TNR: variants seen among roughly 807,000 people sequenced by gnomAD.
TNR encodes tenascin R, also known as tenascin-R.
TNR carries 45 observed loss-of-function variants against 150.4 expected under a neutral mutation model. That is an observed-to-expected ratio of 0.30 (90% CI 0.24 to 0.38). The LOEUF is 0.38. Among genes scored for constraint, TNR ranks in the 10% least tolerant of loss-of-function variants. TNR has a pLI of 1.00. For synonymous variants in TNR, 687 were observed against 678.4 expected (o/e 1.01, Z -0.20); for missense variants, 1,544 against 1,759.1 (o/e 0.88, Z 2.19).
At chr1:175,648,099 T>G (rs1355113022) in intron 1 of TNR, among the ~76,000 whole-genome samples, 1 of 152,034 alleles carries the variant, frequency 6.6e-6, no homozygotes, top group East Asian at 1.9e-4. Context: ...CGTTCTCTTC[T>G]CTCTGCTACC....
At chr1:175,379,214 G>C (rs1022080522) in intron 9 of TNR, among the ~76,000 whole-genome samples, 5 of 150,022 alleles carry the variant, frequency 3.3e-5, no homozygotes, top group African/African-American at 9.8e-5. Context: ...CACTGGAGGA[G>C]GTGTGAAGAG....
intron 20 of TNR, among the ~76,000 whole-genome samples, chr1:175,332,988 C>CCTGATCCTAACCTTCACT (rs1650023383): frequency 6.6e-6 from 1 of 152,142 alleles, no homozygotes; most frequent in Non-Finnish European, 1.5e-5. Context: ...ATACCTTAAC[C>CCTGATCCTAACCTTCACT]CTGATCCTAA....
At chr1:175,375,538 T>C (rs1014587344) in intron 9 of TNR, among the ~76,000 whole-genome samples, 1 of 152,008 alleles carries the variant, frequency 6.6e-6, no homozygotes, top group Non-Finnish European at 1.5e-5. Flanking sequence ...GGGCAACATT[T>C]GTAAAGAGGG....
At chr1:175,472,646 A>G (rs1450430819) in intron 2 of TNR, among the ~76,000 whole-genome samples, 1 of 152,202 alleles carries the variant, frequency 6.6e-6, no homozygotes, top group African/African-American at 2.4e-5. Flanking sequence ...TATGCAGCCC[A>G]TTGTTGACCA....
In TNR at chr1:175,439,902, T is replaced by C. The variant is rs370589080; in HGVS notation, c.-63-33125A>G. Among the ~76,000 whole-genome samples the C allele has an allele frequency of 1.3e-3, 202 of 152,252 alleles. 2 individuals are homozygous for C. In the East Asian group the frequency reaches 0.033, roughly 25 times the overall value. On this transcript the variant is annotated intron_variant, in intron 2 of 22. Coordinates refer to ENST00000367674, the MANE Select transcript of TNR (RefSeq NM_003285.3). ...AGGTGCTTGAGAGGATGTGGAGAAA[T>C]AGGAACACTTTTACACTGTTGGTGG...
intron 20 of TNR, among the ~76,000 whole-genome samples, chr1:175,331,022 T>A (rs1442589152): frequency 3.1e-5 from 2 of 64,014 alleles, no homozygotes; most frequent in African/African-American, 1.1e-4. Context: ...TCTTTCTTTC[T>A]TTCTTTCTTT....
rs964679640 is a variant in TNR, at chr1:175,702,521, C to T, written c.-165+40705G>A. On this transcript the variant is annotated intron_variant, in intron 1 of 22. Transcript: ENST00000367674. Reference sequence around the variant, plus strand: ...TCTTGCTGGATGAGGGGCAGGAAAACGAATATGAGGGGTTGGCAATGTCTG... The same window carrying T: ...TCTTGCTGGATGAGGGGCAGGAAAATGAATATGAGGGGTTGGCAATGTCTG... 4.6e-5 allele frequency among the ~76,000 whole-genome samples: 7 copies of T among 152,086 alleles called. No homozygotes were observed. The East Asian group carries it at 5.8e-4, about 13-fold the overall frequency.
intron 9 of TNR, among the ~76,000 whole-genome samples, chr1:175,373,575 G>A (rs565396557): frequency 1.3e-5 from 2 of 152,258 alleles, no homozygotes; most frequent in African/African-American, 4.8e-5. Context: ...TTAAAGGAAG[G>A]GACTGGCCTA....
At chr1:175,325,356 AG>A (rs1557863429) in intron 21 of TNR, among the ~76,000 whole-genome samples, 3 of 152,236 alleles carry the variant, frequency 2.0e-5, no homozygotes, top group Admixed American at 6.5e-5. Flanking sequence ...ATCATTAAAA[AG>A]TCAGGAAACA....
chr1:175,329,675 A>G (rs558704794), intron 21 of TNR, among the ~76,000 whole-genome samples: 7 of 152,376 alleles, frequency 4.6e-5, no homozygotes, highest in East Asian at 1.9e-4. Context: ...CCCAGACAGT[A>G]GATGATTCTG....
chr1:175,393,366 G>T lies in TNR; in HGVS notation c.1356+414C>A, dbSNP rs140840483. Among the ~76,000 whole-genome samples the T allele has an allele frequency of 9.1e-4, 139 of 152,322 alleles. 1 individual carries two copies. The highest frequency in any genetic ancestry group is 3.2e-3 in the African/African-American group (131 of 41,562). ...AAGCTGACTTTTCTGTGGTGCATCT[G>T]TCTGCACAGAATGAAGCTTTTGGCT... On this transcript the variant is annotated intron_variant, in intron 6 of 22. Transcript: ENST00000367674.
At position 175,331,162 on chromosome 1, in the gene TNR, TTTCCTTCCTTCCTTCCTTCCTTCC is replaced by T. The variant is rs199944963; in HGVS notation, c.3632-951_3632-928del. Among the ~76,000 whole-genome samples the T allele has an allele frequency of 5.1e-3, 361 of 70,908 alleles. 9 individuals are homozygous for T. Among genetic ancestry groups the T allele is most frequent in the African/African-American group, 0.015 (216 of 14,032 alleles). The allele number at this position is 70,908 out of a possible 152,430, so 46.5% of individuals were successfully genotyped here. A position where few individuals can be genotyped will look rare whatever the true frequency, so the allele number is the denominator to read the frequency against. ...TTCTTTCTTCCTTTCTTTCTTTTTC[TTTCCTTCCTTCCTTCCTTCCTTCC>T]TTCCTTCCTTCCTTCCTTCCTTCCT... On this transcript the variant is annotated intron_variant, in intron 20 of 22. Coordinates refer to ENST00000367674, the MANE Select transcript of TNR (RefSeq NM_003285.3).
chr1:175,522,060 C>T (rs1659660349), intron 2 of TNR, among the ~76,000 whole-genome samples: 1 of 152,176 alleles, frequency 6.6e-6, no homozygotes, highest in Admixed American at 6.5e-5. Context: ...CCTTCTACTC[C>T]TTTCTCTTAA....
chr1:175,412,312 T>A (rs917984634), intron 2 of TNR, among the ~76,000 whole-genome samples: 1 of 152,164 alleles, frequency 6.6e-6, no homozygotes, highest in Non-Finnish European at 1.5e-5. Flanking sequence ...CTTCTCCCCC[T>A]GGGTTCAGAT....
At chr1:175,414,099 AT>A (rs998297383) in intron 2 of TNR, among the ~76,000 whole-genome samples, 5 of 78,788 alleles carry the variant, frequency 6.3e-5, no homozygotes, top group African/African-American at 1.1e-4. Context: ...ATCCTGGGTG[AT>A]AAGAGTAAGA....
intron 9 of TNR, among the ~76,000 whole-genome samples, chr1:175,379,324 AC>A (rs1189303346): frequency 1.3e-5 from 2 of 152,202 alleles, no homozygotes; most frequent in African/African-American, 4.8e-5. Context: ...GTGCCACTGC[AC>A]TCCAGCCTGG....
chr1:175,459,536 A>C (rs551254842), intron 2 of TNR, among the ~76,000 whole-genome samples: 31 of 152,312 alleles, frequency 2.0e-4, no homozygotes, highest in African/African-American at 7.5e-4. Flanking sequence ...AATTGTGACA[A>C]TTTGTTAAGG....
rs1381078507 is a variant in TNR at position 175,572,540 on chromosome 1, ATCAG to A, written c.-164-44175_-164-44172del. On this transcript the variant is annotated intron_variant, in intron 1 of 22. Transcript: ENST00000367674. Reference sequence around the variant, plus strand: ...AGCACCTTTGATGCGGGTCACATCAATCAGTCAGTCAATCATAATGGGCACTGTC... The same window carrying A: ...AGCACCTTTGATGCGGGTCACATCAATCAGTCAATCATAATGGGCACTGTC... Among the ~76,000 whole-genome samples the A allele has an allele frequency of 3.9e-5, 6 of 152,268 alleles. No individual in the cohort carries two copies. In the East Asian group the frequency reaches 7.7e-4, roughly 20 times the overall value.
intron 1 of TNR, among the ~76,000 whole-genome samples, chr1:175,584,585 A>G (rs1467756123): frequency 1.3e-5 from 2 of 152,234 alleles, no homozygotes; most frequent in African/African-American, 2.4e-5. Context: ...GAAAAGCATC[A>G]ACTACATAAC....
Sources: gnomAD v4.1 joint callset for allele counts (sites outside exome capture counted in the v4.1 genomes callset) on GRCh38, gnomAD v4.1.1 for gene constraint, MANE v1.5 for transcripts, NCBI Gene and HGNC (gene_info 2026-07-23, HGNC 2026-07-21) for gene names.